Variants in SLC6A16 observed in about 807,000 individuals in gnomAD.
SLC6A16 encodes solute carrier family 6 member 16.
A neutral mutation model predicts 65.4 loss-of-function variants in SLC6A16; 54 were observed. That is an observed-to-expected ratio of 0.83 (90% CI 0.66 to 1.04). SLC6A16 has a LOEUF of 1.04. Among genes scored for constraint, SLC6A16 ranks in the 50% least tolerant of loss-of-function variants. SLC6A16 has a pLI of 0.00. For synonymous variants in SLC6A16, 330 were observed against 346.5 expected (o/e 0.95, Z 0.53); for missense variants, 816 against 914.0 (o/e 0.89, Z 1.38).
intron 1 of SLC6A16, among the ~76,000 whole-genome samples, chr19:49,314,787 A>G (rs1359303198): frequency 6.6e-6 from 1 of 152,250 alleles, no homozygotes; most frequent in African/African-American, 2.4e-5. Flanking sequence ...GAAACACCAG[A>G]AAACAAATCT....
chr19:49,301,184 G>T (rs762299537), intron 7 of SLC6A16, among the ~76,000 whole-genome samples: 5 of 152,138 alleles, frequency 3.3e-5, no homozygotes, highest in South Asian at 2.1e-4. Flanking sequence ...ATTCCATTTT[G>T]CCCACATCAC....
At chr19:49,329,622 C>CTTTTTT (rs71180620), upstream of SLC6A16, among the ~76,000 whole-genome samples, 86 of 70,760 alleles carry the variant, frequency 1.2e-3, no homozygotes, top group Non-Finnish European at 1.6e-3. Flanking sequence ...AAGGCCTTGT[C>CTTTTTT]TTTTTTTTTT....
chr19:49,290,037 G>C lies in SLC6A16; in HGVS notation c.*86C>G. 5 of 1,388,448 alleles carry C rather than the reference G, an allele frequency of 3.6e-6. No individual in the cohort carries two copies. The highest frequency in any genetic ancestry group is 4.0e-6 in the Non-Finnish European group (4 of 1,011,508). 86.0% of individuals were successfully genotyped at this position (1,388,448 alleles called of 1,614,324 possible). On this transcript the variant is annotated 3_prime_UTR_variant, in exon 12 of 12. Coordinates refer to ENST00000335875, the MANE Select transcript of SLC6A16 (RefSeq NM_014037.3). ...GAAATAAAAGTGGTTCTGGATCCAG[G>C]GAGATCAACAGTTGCAAGCTGATAT...
intron 9 of SLC6A16, 133 bp from the exon 10 acceptor site, chr19:49,293,515 A>G (rs970844382): frequency 2.4e-6 from 2 of 829,868 alleles, no homozygotes; most frequent in Admixed American, 5.2e-5. Flanking sequence ...GTGTAATCCA[A>G]GCATTTTGGG....
At chr19:49,335,777 T>G in the SLC6A16 span, 3 of 1,609,334 alleles carry the variant, frequency 1.9e-6, no homozygotes, top group East Asian at 6.7e-5. This position sits in a 1 kb window ranked among gnomAD's most constrained non-coding sequence, Gnocchi z 4.6. Flanking sequence ...CAGCTTCGTG[T>G]CCTTTGTGGG....
At chr19:49,297,292 C>T (rs1292353476) in intron 7 of SLC6A16, among the ~76,000 whole-genome samples, 1 of 152,140 alleles carries the variant, frequency 6.6e-6, no homozygotes, top group African/African-American at 2.4e-5. Context: ...ACAAGACAAG[C>T]TCTGTAAAAG....
At chr19:49,339,385 G>T in the SLC6A16 span, 359 of 1,613,932 alleles carry the variant, frequency 2.2e-4, no homozygotes, top group Non-Finnish European at 2.7e-4. The surrounding 1 kb of genome is among the most constrained non-coding windows in gnomAD (Gnocchi z 4.5). Flanking sequence ...TCCATAGTGG[G>T]CATTTGCCTG....
intron 1 of SLC6A16, among the ~76,000 whole-genome samples, chr19:49,321,231 A>G (rs1970705224): frequency 6.6e-6 from 1 of 152,174 alleles, no homozygotes; most frequent in Non-Finnish European, 1.5e-5. Flanking sequence ...TCAATATAAT[A>G]TACCACATTA....
At chr19:49,333,781 C>A in the SLC6A16 span, among the ~76,000 whole-genome samples, 15 of 152,134 alleles carry the variant, frequency 9.9e-5, no homozygotes, top group Non-Finnish European at 1.5e-5. Context: ...GGAGCTTTGA[C>A]CTCATGACTA....
upstream of SLC6A16, among the ~76,000 whole-genome samples, chr19:49,327,538 G>T (rs750976381): frequency 2.6e-5 from 4 of 152,206 alleles, no homozygotes; most frequent in Non-Finnish European, 4.4e-5. Flanking sequence ...GTGTGTTCAA[G>T]GCACCAGGAA....
At chr19:49,297,541 A>G (rs1447373662) in intron 7 of SLC6A16, among the ~76,000 whole-genome samples, 3 of 152,212 alleles carry the variant, frequency 2.0e-5, no homozygotes, top group African/African-American at 7.2e-5. Context: ...GAAATTAAAC[A>G]TACCGTTACC....
intron 7 of SLC6A16, among the ~76,000 whole-genome samples, chr19:49,301,169 G>T (rs536781017): frequency 2.0e-5 from 3 of 152,324 alleles, no homozygotes; most frequent in Admixed American, 1.3e-4. Flanking sequence ...AGGGTGGAAA[G>T]AACAATTCCA....
chr19:49,302,787 G>A (rs947092934), intron 7 of SLC6A16, among the ~76,000 whole-genome samples: 8 of 152,102 alleles, frequency 5.3e-5, no homozygotes, highest in African/African-American at 1.7e-4. Context: ...CAAAGGCACT[G>A]AAAATATGAA....
intron 7 of SLC6A16, chr19:49,306,111 A>G (rs1247918369): frequency 1.3e-5 from 2 of 152,172 alleles, no homozygotes; most frequent in Non-Finnish European, 2.9e-5. Context: ...GTCCTGGCTA[A>G]CACGGTGAAA....
In SLC6A16 at chr19:49,310,468, C is replaced by T. The variant is rs1187223050; in HGVS notation, c.458G>A (p.Gly153Glu). 1 of 1,614,110 alleles carries T rather than the reference C, an allele frequency of 6.2e-7. No individual in the cohort carries two copies. Among genetic ancestry groups the T allele is most frequent in the South Asian group, 1.1e-5 (1 of 91,068 alleles). ...CATCTCCAGGAAGAGAAGAGGAACC[C>T]CGACCAGGAACAGCATGAAGATGTA... ...AIYIFMLFLV[G>E]VPLLFLEMAA... Residue 153 changes from glycine to glutamate, a missense_variant, in exon 3 of 12, where the codon GGG becomes GAG. Physicochemically the swap from Gly to Glu is moderately conservative, Grantham distance 98 (BLOSUM62 -2). Coordinates refer to ENST00000335875, the MANE Select transcript of SLC6A16 (RefSeq NM_014037.3).
In SLC6A16 at chr19:49,309,716, G is replaced by A; in HGVS notation, c.811C>T (p.Pro271Ser). The change falls in exon 5 of 12, where the codon CCC (proline) becomes TCC (serine). Residue 271 changes from proline (P) to serine (S), a missense_variant. Physicochemically the swap from Pro to Ser is moderately conservative, Grantham distance 74 (BLOSUM62 -1). Transcript: ENST00000335875. Reference sequence around the variant, plus strand: ...ACAAGACACCAGCAAAGAAAGAAGGGCAGGACCAGACTGTAGACTGGTGAC... The same window carrying A: ...ACAAGACACCAGCAAAGAAAGAAGGACAGGACCAGACTGTAGACTGGTGAC... ...GGSPVYSLVL[P>S]FFLCWCLVGA... 1 of 1,614,036 alleles carries A rather than the reference G, an allele frequency of 6.2e-7. No homozygotes were observed. Among genetic ancestry groups the A allele is most frequent in the Non-Finnish European group, 8.5e-7 (1 of 1,179,978 alleles).
chr19:49,318,617 G>T (rs1174436442), intron 1 of SLC6A16, among the ~76,000 whole-genome samples: 2 of 152,132 alleles, frequency 1.3e-5, no homozygotes, highest in Non-Finnish European at 2.9e-5. Flanking sequence ...CACTAAAATA[G>T]CTGTTACAAA....
rs10406149 is a variant in SLC6A16 at position 49,317,009 on chromosome 19, C to T, written c.-64-5598G>A. Reference sequence around the variant, plus strand: ...CTATGATCACACCACTGAACTCCAGCCTGAGCAACAGAGTGGGACCTCATT... The same window carrying T: ...CTATGATCACACCACTGAACTCCAGTCTGAGCAACAGAGTGGGACCTCATT... On this transcript the variant is annotated intron_variant, in intron 1 of 11. Coordinates refer to ENST00000335875, the MANE Select transcript of SLC6A16 (RefSeq NM_014037.3). Among the ~76,000 whole-genome samples, 633 of 151,846 alleles carry T rather than the reference C, an allele frequency of 4.2e-3. 11 individuals are homozygous for T. Among genetic ancestry groups the T allele is most frequent in the African/African-American group, 0.014 (598 of 41,386 alleles).
chr19:49,339,539 C>T, the SLC6A16 span: 4 of 1,477,760 alleles, frequency 2.7e-6, no homozygotes, highest in East Asian at 2.4e-5. This position sits in a 1 kb window ranked among gnomAD's most constrained non-coding sequence, Gnocchi z 4.5. Flanking sequence ...CCCCGGCCCT[C>T]CCGCCGCTCC....
Sources: allele counts gnomAD v4.1 joint callset (sites outside exome capture counted in the v4.1 genomes callset), GRCh38; gene constraint gnomAD v4.1.1; non-coding constraint Gnocchi (gnomAD v3.1); transcripts MANE v1.5; gene names NCBI Gene and HGNC (gene_info 2026-07-23, HGNC 2026-07-21).